VSTM4: variants seen among roughly 807,000 people sequenced by gnomAD.
The protein encoded by VSTM4 is V-set and transmembrane domain-containing protein 4.
In VSTM4, 20 loss-of-function variants were observed where a neutral mutation model predicts 36.4. The ratio of observed to expected loss-of-function variants is 0.55; its 90% confidence interval spans 0.39 to 0.80. The LOEUF is 0.80. VSTM4 is among the 30% of genes least tolerant of loss of function. The pLI is 0.00. For missense variants in VSTM4, 392 were observed against 404.5 expected, an observed-to-expected ratio of 0.97 and a Z score of 0.26; for synonymous variants, 182 against 173.9, an observed-to-expected ratio of 1.05 and a Z score of -0.37.
intron 5 of VSTM4, among the ~76,000 whole-genome samples, chr10:49,055,274 G>C (rs931065720): frequency 2.6e-5 from 4 of 152,136 alleles, no homozygotes; most frequent in Non-Finnish European, 4.4e-5. Flanking sequence ...TTTACTTCCA[G>C]AAACGTCCAT....
intron 3 of VSTM4, among the ~76,000 whole-genome samples, chr10:49,085,055 C>T (rs1844345999): frequency 6.6e-6 from 1 of 152,248 alleles, no homozygotes; most frequent in South Asian, 2.1e-4. Context: ...AGAACCCCTG[C>T]CCTAAGGCCC....
At position 49,110,559 on chromosome 10, in the gene VSTM4, G is replaced by T. The variant is rs886987340; in HGVS notation, c.56-2564C>A. 3.3e-5 allele frequency among the ~76,000 whole-genome samples: 5 copies of T among 152,166 alleles called. No individual in the cohort carries two copies. The South Asian group carries it at 1.0e-3, about 32-fold the overall frequency. On this transcript the variant is annotated intron_variant, in intron 1 of 7. Transcript: ENST00000332853. The stretch of plus-strand genomic sequence containing the variant: ...AATTGTGTCCTCCCAAAATTCATAT[G>T]TTGAAGCGTTAGCCCCAGGACCTAA...
At chr10:49,058,122 C>G (rs969941650) in intron 5 of VSTM4, among the ~76,000 whole-genome samples, 5 of 152,154 alleles carry the variant, frequency 3.3e-5, no homozygotes, top group African/African-American at 1.2e-4. Flanking sequence ...ATATCTATAC[C>G]CTGCCGCTTC....
intron 2 of VSTM4, among the ~76,000 whole-genome samples, chr10:49,101,736 C>A (rs1844669574): frequency 6.6e-6 from 1 of 152,154 alleles, no homozygotes; most frequent in African/African-American, 2.4e-5. Context: ...CCAGCAATTC[C>A]CTTTCCAGGA....
At chr10:49,087,015 A>G (rs1315961901) in intron 2 of VSTM4, among the ~76,000 whole-genome samples, 1 of 152,240 alleles carries the variant, frequency 6.6e-6, no homozygotes, top group Non-Finnish European at 1.5e-5. Flanking sequence ...AATTCGATTT[A>G]CTGCCTCTCC....
chr10:49,058,274 G>A (rs938268765), intron 5 of VSTM4, among the ~76,000 whole-genome samples: 4 of 152,214 alleles, frequency 2.6e-5, no homozygotes, highest in African/African-American at 9.6e-5. Flanking sequence ...TAGCTTTGTG[G>A]TGCCCCTTCA....
chr10:49,077,926 T>G (rs1164745902), intron 3 of VSTM4, among the ~76,000 whole-genome samples: 2 of 151,434 alleles, frequency 1.3e-5, no homozygotes, highest in African/African-American at 4.9e-5. Context: ...AACAAAGGAC[T>G]ACTATCCAGA....
intron 5 of VSTM4, among the ~76,000 whole-genome samples, chr10:49,058,381 TG>T (rs2131971451): frequency 6.6e-6 from 1 of 152,250 alleles, no homozygotes; most frequent in African/African-American, 2.4e-5. Flanking sequence ...TCTGTGCAAC[TG>T]GGGGGATTTC....
In VSTM4 at chr10:49,014,857, A is replaced by G. The variant is rs1017017436; in HGVS notation, c.*4793T>C. ...ATACCTGCCAGCATGGATGCTCCCCACTGCTCAGGCCCAGCCCTTCCCCTC... is the reference window on the plus strand; with the variant it reads ...ATACCTGCCAGCATGGATGCTCCCCGCTGCTCAGGCCCAGCCCTTCCCCTC... On this transcript the variant is annotated 3_prime_UTR_variant, in exon 8 of 8. Coordinates refer to ENST00000332853, the MANE Select transcript of VSTM4 (RefSeq NM_001031746.5). 2 of 152,542 alleles carry G rather than the reference A, an allele frequency of 1.3e-5. No homozygotes were observed. The highest frequency in any genetic ancestry group is 4.8e-5 in the African/African-American group (2 of 41,328). 9.4% of individuals were successfully genotyped at this position (152,542 alleles called of 1,614,324 possible).
rs1564599184 is a variant in VSTM4 at position 49,107,886 on chromosome 10, G to C, written c.165C>G (p.Asp55Glu). 6.2e-7 allele frequency: 1 copy of C among 1,614,226 alleles called. No homozygotes were observed. Among genetic ancestry groups the C allele is most frequent in the Non-Finnish European group, 8.5e-7 (1 of 1,180,036 alleles). ...AGAACCAGCGCACGGCCAGCAAGCT[G>C]TCCTTCCGCCTTTTCTGGGAGACGT... ...LCHVSQKRRK[D>E]SLLAVRWFFA... is the part of the protein sequence containing the mutation. Residue 55 changes from aspartate to glutamate, a missense_variant, in exon 2 of 8, where the codon GAC (aspartate) becomes GAG (glutamate). Physicochemically the swap from Asp to Glu is conservative, Grantham distance 45. Coordinates refer to ENST00000332853, the MANE Select transcript of VSTM4 (RefSeq NM_001031746.5).
chr10:49,107,124 A>G (rs1485799304), intron 2 of VSTM4, among the ~76,000 whole-genome samples: 1 of 152,030 alleles, frequency 6.6e-6, no homozygotes, highest in Non-Finnish European at 1.5e-5. Flanking sequence ...CTGAGTCCCC[A>G]CTCACCCCCA....
intron 2 of VSTM4, among the ~76,000 whole-genome samples, chr10:49,106,582 G>A (rs538558238): frequency 1.4e-3 from 213 of 152,284 alleles, no homozygotes; most frequent in African/African-American, 4.5e-3. Context: ...ATTTCTTGGC[G>A]AGCTGTTGCC....
chr10:49,088,143 G>C (rs546449108), intron 2 of VSTM4, among the ~76,000 whole-genome samples: 1 of 152,162 alleles, frequency 6.6e-6, no homozygotes, highest in African/African-American at 2.4e-5. Flanking sequence ...GGAGGGCTTT[G>C]CTCTGCTGAG....
intron 4 of VSTM4, among the ~76,000 whole-genome samples, chr10:49,075,980 C>A (rs746828739): frequency 6.6e-6 from 1 of 152,184 alleles, no homozygotes; most frequent in Non-Finnish European, 1.5e-5. Flanking sequence ...GATGGTGACA[C>A]CTCTCCCAAA....
Position 49,101,989 on chromosome 10 carries a change from T to G in VSTM4, c.457+5605A>C, listed in dbSNP as rs78086686. Reference sequence around the variant, plus strand: ...TGTGTCTGCGTGTGTGTGTGTGTGTTTGTGTGTGTGTATGAATGTCAATAG... The same window carrying G: ...TGTGTCTGCGTGTGTGTGTGTGTGTGTGTGTGTGTGTATGAATGTCAATAG... On this transcript the variant is annotated intron_variant, in intron 2 of 7. Transcript: ENST00000332853. Among the ~76,000 whole-genome samples, 6 of 96,274 alleles carry G rather than the reference T, an allele frequency of 6.2e-5. No individual in the cohort carries two copies. In the South Asian group the frequency reaches 1.2e-3, roughly 19 times the overall value. The allele number at this position is 96,274 out of a possible 152,430, so 63.2% of individuals were successfully genotyped here. A position where few individuals can be genotyped will look rare whatever the true frequency, so the allele number is the denominator to read the frequency against.
chr10:49,115,349 ACCAGGCCCGGAGCCCCGGCCTCCCCG>A, intron 1 of VSTM4, 56 bp downstream of exon 1: 1 of 905,812 alleles, frequency 1.1e-6, no homozygotes, highest in Non-Finnish European at 1.3e-6. Context: ...GGGCCTCCCC[ACCAGGCCCGGAGCCCCGGCCTCCCCG>A]GCGCGGCCGC....
At chr10:49,097,732 T>C (rs1564593678) in intron 2 of VSTM4, among the ~76,000 whole-genome samples, 1 of 152,206 alleles carries the variant, frequency 6.6e-6, no homozygotes. Context: ...CTATATATTA[T>C]TTTTCACTTA....
intron 2 of VSTM4, among the ~76,000 whole-genome samples, chr10:49,092,946 A>C (rs1048063819): frequency 3.9e-5 from 6 of 152,310 alleles, no homozygotes; most frequent in Non-Finnish European, 7.3e-5. Context: ...AGGCAGTCAG[A>C]AGAGAGCTGG....
chr10:49,109,695 G>T (rs578122422), intron 1 of VSTM4, among the ~76,000 whole-genome samples: 53 of 152,320 alleles, frequency 3.5e-4, no homozygotes, highest in African/African-American at 1.3e-3. Flanking sequence ...TTAAGGCTCA[G>T]CTGGACTCTC....
Sources: allele counts gnomAD v4.1 joint callset (sites outside exome capture counted in the v4.1 genomes callset), GRCh38; gene constraint gnomAD v4.1.1; transcripts MANE v1.5; gene names NCBI Gene and HGNC (gene_info 2026-07-23, HGNC 2026-07-21).